GPR19: variants seen among roughly 807,000 people sequenced by gnomAD.
GPR19 encodes the protein G protein-coupled receptor 19.
Under a neutral mutation model 28.5 loss-of-function variants are expected in GPR19, and 14 were observed. The ratio of observed to expected loss-of-function variants is 0.49; its 90% CI spans 0.32 to 0.77. The LOEUF (loss-of-function observed/expected upper bound fraction) is 0.77, where lower values mean the gene tolerates loss of function less well. GPR19 is among the 30% of genes least tolerant of loss of function. The probability of loss-of-function intolerance (pLI) is 0.03; values close to 1 mark genes in which losing one functional copy is unlikely to be tolerated. For synonymous variants in GPR19, 173 were observed against 184.1 expected (o/e 0.94, Z 0.49); for missense variants, 409 against 504.1 (o/e 0.81, Z 1.81).
the GPR19 span, among the ~76,000 whole-genome samples, chr12:12,710,861 A>T: frequency 6.6e-6 from 1 of 152,148 alleles, no homozygotes; most frequent in Admixed American, 6.6e-5. Context: ...CTCTTAAGGG[A>T]CATACCTTTT....
the GPR19 span, among the ~76,000 whole-genome samples, chr12:12,707,989 C>CTTTTTTTTT: frequency 6.7e-4 from 42 of 62,462 alleles, 7 homozygotes; most frequent in East Asian, 2.8e-3. Context: ...ATTTCCTATT[C>CTTTTTTTTT]TTTTTTTTTT....
chr12:12,714,538 C>A, the GPR19 span, among the ~76,000 whole-genome samples: 1 of 152,160 alleles, frequency 6.6e-6, no homozygotes, highest in Non-Finnish European at 1.5e-5. Context: ...CGCTTCTCAG[C>A]CCTAAGTAGG....
At chr12:12,700,207 A>G (rs764174257), upstream of GPR19, among the ~76,000 whole-genome samples, 1 of 147,744 alleles carries the variant, frequency 6.8e-6, no homozygotes, top group Non-Finnish European at 1.5e-5. Context: ...ATTTTTTTTG[A>G]GACAGAGTCT....
At chr12:12,703,409 T>C in the GPR19 span, 72 of 985,258 alleles carry the variant, frequency 7.3e-5, no homozygotes, top group Non-Finnish European at 8.1e-5. Flanking sequence ...ATCTTAGCCA[T>C]AGGACATGAA....
the GPR19 span, among the ~76,000 whole-genome samples, chr12:12,708,113 C>G: frequency 6.6e-6 from 1 of 151,166 alleles, no homozygotes; most frequent in African/African-American, 2.4e-5. Flanking sequence ...GATACTCCCA[C>G]CTCAGCCTCC....
At chr12:12,701,929 A>T in the GPR19 span, among the ~76,000 whole-genome samples, 1 of 151,756 alleles carries the variant, frequency 6.6e-6, no homozygotes, top group Non-Finnish European at 1.5e-5. Context: ...CAAAAAAAAA[A>T]AAAAAAAAAA....
intron 3 of GPR19, among the ~76,000 whole-genome samples, chr12:12,681,224 C>T (rs77993804): frequency 2.5e-3 from 380 of 152,284 alleles, no homozygotes; most frequent in African/African-American, 8.8e-3. Context: ...TCCCTACATA[C>T]ACCCTAGGAA....
chr12:12,692,551 C>G (rs951903650), intron 2 of GPR19, among the ~76,000 whole-genome samples: 1 of 151,988 alleles, frequency 6.6e-6, no homozygotes, highest in African/African-American at 2.4e-5. Flanking sequence ...ATTTCTTGTA[C>G]CCCAAAAAGA....
chr12:12,670,148 T>C (rs7971065), intron 3 of GPR19, among the ~76,000 whole-genome samples: 4,661 of 152,348 alleles, frequency 0.031, 105 homozygotes, highest in Middle Eastern at 0.088. Flanking sequence ...GTTCTTACAA[T>C]GTCGACTCAG....
the GPR19 span, chr12:12,715,781 CCT>C: frequency 6.6e-6 from 1 of 152,194 alleles, no homozygotes; most frequent in Non-Finnish European, 1.5e-5. Context: ...GGACAGGAAA[CCT>C]CTCTGAGTCT....
Position 12,681,091 on chromosome 12 carries a change from C to CGCCTTTT in GPR19, c.-23+3259_-23+3260insAAAAGGC, listed in dbSNP as rs1346185663. ...GGGATTACAGGCGTGAGTTATGGCACTCAGCCTCCCTTTTTCTTTTTAAGC... is the reference window on the plus strand; with the variant it reads ...GGGATTACAGGCGTGAGTTATGGCACGCCTTTTTCAGCCTCCCTTTTTCTTTTTAAGC... On this transcript the variant is annotated intron_variant, in intron 3 of 3. Coordinates refer to ENST00000651487, the MANE Select transcript of GPR19 (RefSeq NM_006143.3). Among the ~76,000 whole-genome samples, 32 of 152,292 alleles carry CGCCTTTT rather than the reference C, an allele frequency of 2.1e-4. No individual in the cohort carries two copies. In the East Asian group the frequency reaches 6.0e-3, roughly 29 times the overall value.
rs199998459 is a variant in GPR19 at position 12,662,474 on chromosome 12, G to A, written c.-22-4C>T. 3 of 1,603,436 alleles carry A rather than the reference G, an allele frequency of 1.9e-6. No homozygotes were observed. The highest frequency in any genetic ancestry group is 1.1e-5 in the South Asian group (1 of 90,198). On this transcript the variant is annotated splice_region_variant and splice_polypyrimidine_tract_variant and intron_variant, in intron 3 of 3. Transcript: ENST00000651487. ...ATTCACTTTTTTTCTCTTAATTCTGGTTGGGGAAAAGAAGAATGAGGCCTC... is the reference window on the plus strand; with the variant it reads ...ATTCACTTTTTTTCTCTTAATTCTGATTGGGGAAAAGAAGAATGAGGCCTC...
rs1231710551 is a variant in GPR19, at chr12:12,661,004, C to G, written c.*197G>C. On this transcript the variant is annotated 3_prime_UTR_variant, in exon 4 of 4. Coordinates refer to ENST00000651487, the MANE Select transcript of GPR19 (RefSeq NM_006143.3). This position sits in a 1 kb window ranked among gnomAD's most constrained non-coding sequence, Gnocchi z 4.2. Reference sequence around the variant, plus strand: ...AGTAAAAGGACTGTTGGCTAAAGTTCAAAGTGAACGCTTTTCCTAAAACAT... The same window carrying G: ...AGTAAAAGGACTGTTGGCTAAAGTTGAAAGTGAACGCTTTTCCTAAAACAT... 5 of 511,300 alleles carry G rather than the reference C, an allele frequency of 9.8e-6. No homozygotes were observed. The highest frequency in any genetic ancestry group is 1.9e-5 in the African/African-American group (1 of 51,984). The allele number at this position is 511,300 out of a possible 1,614,324, so 31.7% of individuals were successfully genotyped here.
At chr12:12,697,195 G>A (rs1222977154), upstream of GPR19, among the ~76,000 whole-genome samples, 2 of 107,104 alleles carry the variant, frequency 1.9e-5, no homozygotes, top group Non-Finnish European at 3.8e-5. Context: ...TGCAAAATTT[G>A]AAACTTGGAG....
At chr12:12,682,684 G>A (rs568104801) in intron 3 of GPR19, among the ~76,000 whole-genome samples, 12 of 152,238 alleles carry the variant, frequency 7.9e-5, no homozygotes, top group South Asian at 2.1e-4. Flanking sequence ...ACACAATTAC[G>A]TCTTAAAGTA....
At chr12:12,692,580 C>G (rs1946199557) in intron 2 of GPR19, among the ~76,000 whole-genome samples, 1 of 152,270 alleles carries the variant, frequency 6.6e-6, no homozygotes, top group African/African-American at 2.4e-5. Flanking sequence ...GAAAGACGGA[C>G]TGGATACCCT....
intron 3 of GPR19, among the ~76,000 whole-genome samples, chr12:12,677,834 G>T (rs994929931): frequency 2.0e-5 from 3 of 151,780 alleles, no homozygotes; most frequent in Non-Finnish European, 4.4e-5. Flanking sequence ...AGCACTTTGG[G>T]AGGCCAAGGC....
At chr12:12,698,648 T>C (rs1946295227), upstream of GPR19, among the ~76,000 whole-genome samples, 1 of 151,882 alleles carries the variant, frequency 6.6e-6, no homozygotes, top group Admixed American at 6.6e-5. Flanking sequence ...TCTTGCTCTG[T>C]CACCCAGTCT....
intron 3 of GPR19, among the ~76,000 whole-genome samples, chr12:12,680,179 G>A (rs564851578): frequency 7.2e-5 from 11 of 152,242 alleles, no homozygotes; most frequent in Middle Eastern, 3.4e-3. Flanking sequence ...TGTTTTAAAA[G>A]AATGCAGATA....
Sources: gnomAD v4.1 joint callset for allele counts (sites outside exome capture counted in the v4.1 genomes callset) on GRCh38, gnomAD v4.1.1 for gene constraint, Gnocchi (gnomAD v3.1) non-coding constraint, MANE v1.5 for transcripts, NCBI Gene and HGNC (gene_info 2026-07-23, HGNC 2026-07-21) for gene names.